The following MCM5 variants were observed in gnomAD, a reference collection of about 807,000 sequenced individuals.
MCM5 encodes the protein minichromosome maintenance complex component 5.
Under a neutral mutation model 79.9 loss-of-function variants are expected in MCM5, and 46 were observed. The observed-to-expected ratio is 0.58, with a 90% CI of 0.45 to 0.74. The LOEUF (loss-of-function observed/expected upper bound fraction) is 0.74. MCM5 is among the 30% of genes least tolerant of loss of function. The probability of loss-of-function intolerance (pLI) is 0.00; values close to 1 mark genes in which losing one functional copy is unlikely to be tolerated. For missense variants in MCM5, 883 were observed against 1,017.0 expected (o/e 0.87, Z 1.79); for synonymous variants, 404 against 390.5 (o/e 1.03, Z -0.41).
chr22:35,405,787 A>G (rs1168288221), intron 4 of MCM5, among the ~76,000 whole-genome samples: 2 of 151,522 alleles, frequency 1.3e-5, no homozygotes, highest in East Asian at 3.9e-4. Flanking sequence ...AGGCCAGTGA[A>G]TTGCCTGAGG....
chr22:35,404,539 G>A lies in MCM5; in HGVS notation c.423+997G>A, dbSNP rs543946753. ...AGATGCAAAGGCCTGACTGTGTTTC[G>A]ATTTCACATACCGGGCAAGAACGCT... On this transcript the variant is annotated intron_variant, in intron 4 of 16. Coordinates refer to ENST00000216122, the MANE Select transcript of MCM5 (RefSeq NM_006739.4). 7.2e-5 allele frequency among the ~76,000 whole-genome samples: 11 copies of A among 151,800 alleles called. No individual in the cohort carries two copies. The South Asian group carries it at 1.9e-3, about 26-fold the overall frequency.
intron 1 of MCM5, 95 bp from the exon 2 acceptor site, chr22:35,400,336 C>G: frequency 7.0e-7 from 1 of 1,437,644 alleles, no homozygotes; most frequent in East Asian, 2.3e-5. Context: ...CGGGGGTCCC[C>G]CTGCTCCGGA....
At chr22:35,420,152 G>A in intron 14 of MCM5, 140 bp downstream of exon 14, 1 of 1,031,820 alleles carries the variant, frequency 9.7e-7, no homozygotes, top group South Asian at 2.0e-5. Flanking sequence ...GAGTCCCTTT[G>A]GAGCATAAAC....
chr22:35,410,176 G>T (rs1405877116), intron 6 of MCM5, among the ~76,000 whole-genome samples: 1 of 152,116 alleles, frequency 6.6e-6, no homozygotes, highest in Non-Finnish European at 1.5e-5. Context: ...CAGCGACTAA[G>T]TGTCCCTCCA....
chr22:35,403,168 G>C (rs1335271358), intron 2 of MCM5, 39 bp from the exon 3 acceptor site: 2 of 1,609,226 alleles, frequency 1.2e-6, no homozygotes, highest in African/African-American at 1.3e-5. Context: ...CCTCTTCTTT[G>C]CACCCTTCCT....
At chr22:35,454,713 G>C in the MCM5 span, among the ~76,000 whole-genome samples, 1 of 152,174 alleles carries the variant, frequency 6.6e-6, no homozygotes, top group Non-Finnish European at 1.5e-5. Flanking sequence ...TTGTTGTAAG[G>C]TTTGGAGATC....
At chr22:35,401,686 T>G (rs1189505174) in intron 2 of MCM5, 14 of 471,050 alleles carry the variant, frequency 3.0e-5, no homozygotes, top group Non-Finnish European at 5.7e-5. Flanking sequence ...TGCCCACCTG[T>G]GTGCCAGGCA....
Position 35,403,292 on chromosome 22 carries a change from G to A in MCM5, c.253G>A (p.Ala85Thr). The change falls in exon 3 of 17, where the codon GCC becomes ACC. Residue 85 changes from alanine to threonine, a missense_variant. Around this residue, in one of 3 missense-constraint regions of MCM5, gnomAD observed 455 missense variants for 517.5 expected, o/e 0.88. Coordinates refer to ENST00000216122, the MANE Select transcript of MCM5 (RefSeq NM_006739.4). ...TCTGGCCAGCTTTGATGAGGACCTG[G>A]CCGACTACTTGTACAAGCAGCCAGC... ...EDLASFDEDL[A>T]DYLYKQPAEH... The A allele has an allele frequency of 2.5e-6, 4 of 1,614,152 alleles. No individual in the cohort carries two copies. The highest frequency in any genetic ancestry group is 2.2e-5 in the East Asian group (1 of 44,876).
At chr22:35,425,503 A>T (rs1032304557), downstream of MCM5, 7 of 152,160 alleles carry the variant, frequency 4.6e-5, no homozygotes, top group Non-Finnish European at 8.8e-5. Context: ...GCCCTTTCTG[A>T]TTCCATACTG....
downstream of MCM5, among the ~76,000 whole-genome samples, chr22:35,428,970 CTTTTTTTT>C (rs35549972): frequency 6.1e-5 from 4 of 65,516 alleles, no homozygotes; most frequent in Admixed American, 2.2e-4. Context: ...TTTCTTTGAC[CTTTTTTTT>C]TTTTTTTTTT....
chr22:35,408,044 GA>G (rs1468244109), intron 5 of MCM5, among the ~76,000 whole-genome samples: 4 of 152,170 alleles, frequency 2.6e-5, no homozygotes, highest in African/African-American at 9.7e-5. Flanking sequence ...AATCCCACTG[GA>G]AAAGATCTTG....
the MCM5 span, among the ~76,000 whole-genome samples, chr22:35,434,165 T>A: frequency 6.6e-6 from 1 of 151,992 alleles, no homozygotes; most frequent in Admixed American, 6.6e-5. Context: ...TTCCACAGCT[T>A]CTTGATGGAG....
chr22:35,417,486 A>G (rs1031690489), intron 12 of MCM5, among the ~76,000 whole-genome samples: 6 of 152,134 alleles, frequency 3.9e-5, no homozygotes, highest in African/African-American at 1.5e-4. Context: ...CGGGGTGGAC[A>G]AGCTGAACCC....
downstream of MCM5, among the ~76,000 whole-genome samples, chr22:35,429,622 C>T (rs967209898): frequency 3.3e-5 from 5 of 151,876 alleles, no homozygotes; most frequent in African/African-American, 4.8e-5. Context: ...CTGCAACCTC[C>T]ACCTCCTGGT....
At chr22:35,401,775 C>G in intron 2 of MCM5, 2 of 459,956 alleles carry the variant, frequency 4.3e-6, no homozygotes, top group Non-Finnish European at 9.0e-6. Flanking sequence ...TGAAGACCAA[C>G]AGATAACTTC....
At chr22:35,444,605 C>T in the MCM5 span, among the ~76,000 whole-genome samples, 2 of 152,048 alleles carry the variant, frequency 1.3e-5, no homozygotes, top group Non-Finnish European at 2.9e-5. Context: ...GCGTGGTGGG[C>T]AGGGGTAGGG....
chr22:35,436,662 C>A, the MCM5 span, among the ~76,000 whole-genome samples: 2 of 152,198 alleles, frequency 1.3e-5, no homozygotes, highest in Admixed American at 6.5e-5. Flanking sequence ...CAGCTCTCCC[C>A]AGCCCTGGCT....
Position 35,415,870 on chromosome 22 carries a change from A to C in MCM5, c.1245A>C (p.Thr415=), listed in dbSNP as rs991290550. The C allele has an allele frequency of 2.5e-6, 4 of 1,613,908 alleles. No individual in the cohort carries two copies. The South Asian group carries it at 3.3e-5, about 13-fold the overall frequency. Residue 415 remains threonine (T), a synonymous_variant, in exon 10 of 17, where the codon ACA becomes ACC. Coordinates refer to ENST00000216122, the MANE Select transcript of MCM5 (RefSeq NM_006739.4). ...SGKGSSAAGL[T]ASVMRDPSSR... is the part of the protein sequence containing the mutation. ...AAGGCAGCAGCGCAGCTGGACTGAC[A>C]GCCTCGGTGATGAGGGACCCTTCGT...
At chr22:35,439,119 A>T in the MCM5 span, among the ~76,000 whole-genome samples, 1 of 133,854 alleles carries the variant, frequency 7.5e-6, no homozygotes, top group South Asian at 2.5e-4. Flanking sequence ...ATCCACCCAC[A>T]TATCCATCCA....
Sources: allele counts gnomAD v4.1 joint callset (sites outside exome capture counted in the v4.1 genomes callset), GRCh38; gene constraint gnomAD v4.1.1; regional missense constraint gnomAD v4.1.1; transcripts MANE v1.5; gene names NCBI Gene and HGNC (gene_info 2026-07-23, HGNC 2026-07-21).